SPATA7: variants seen among roughly 807,000 people sequenced by gnomAD.
SPATA7 encodes spermatogenesis-associated protein 7.
A neutral mutation model predicts 51.8 loss-of-function variants in SPATA7; 43 were observed. That is an observed-to-expected ratio of 0.83 (90% CI 0.65 to 1.07). SPATA7 has a LOEUF of 1.07. SPATA7 is among the 50% of genes least tolerant of loss of function. The probability of loss-of-function intolerance (pLI) is 0.00; values close to 1 mark genes in which losing one functional copy is unlikely to be tolerated. For synonymous variants in SPATA7, 230 were observed against 252.8 expected (o/e 0.91, Z 0.86); for missense variants, 683 against 701.3 (o/e 0.97, Z 0.30).
At chr14:88,422,085 T>A (rs1050238025) in intron 5 of SPATA7, among the ~76,000 whole-genome samples, 8 of 152,068 alleles carry the variant, frequency 5.3e-5, no homozygotes, top group Non-Finnish European at 5.9e-5. Context: ...CACAGAAATA[T>A]AATAGGATGA....
intron 2 of SPATA7, chr14:88,391,684 A>G (rs1349831518): frequency 6.8e-6 from 4 of 589,440 alleles, no homozygotes; most frequent in Non-Finnish European, 9.4e-6. Flanking sequence ...TCCTGCTCCC[A>G]GCTGCTACAG....
In SPATA7 at chr14:88,469,186, A is replaced by T. The variant is rs1477522951; in HGVS notation, c.255-661A>T. The stretch of plus-strand genomic sequence containing the variant: ...ATTAAGAGGACTGCAGATAAAGAGC[A>T]CTGGGTGCCAGTGAACCAAACCCAA... On this transcript the variant is annotated intron_variant, in intron 4 of 4. Coordinates refer to the SPATA7 transcript ENST00000556406. The surrounding 1 kb of genome is among the most constrained non-coding windows in gnomAD (Gnocchi z 4.3). The T allele has an allele frequency of 1.6e-6, 2 of 1,264,030 alleles. No homozygotes were observed. The highest frequency in any genetic ancestry group is 2.2e-6 in the Non-Finnish European group (2 of 924,198). The allele number at this position is 1,264,030 out of a possible 1,614,324, so 78.3% of individuals were successfully genotyped here.
At chr14:88,444,432 G>A (rs1365209819) in intron 3 of SPATA7, among the ~76,000 whole-genome samples, 1 of 151,126 alleles carries the variant, frequency 6.6e-6, no homozygotes, top group Admixed American at 6.6e-5. Context: ...CATTTTTTAG[G>A]TTGCCTGTTC....
At chr14:88,457,050 T>C (rs565436027), downstream of SPATA7, among the ~76,000 whole-genome samples, 105 of 152,320 alleles carry the variant, frequency 6.9e-4, no homozygotes, top group African/African-American at 2.5e-3. Flanking sequence ...TGTGGTATTA[T>C]TTCTGAGGGC....
intron 4 of SPATA7, among the ~76,000 whole-genome samples, chr14:88,399,402 G>A (rs916709243): frequency 4.6e-5 from 7 of 152,098 alleles, no homozygotes; most frequent in Non-Finnish European, 1.0e-4. Flanking sequence ...TAATTTTAAA[G>A]GAGGAAAAAA....
At chr14:88,400,846 A>G (rs1220830789) in intron 4 of SPATA7, among the ~76,000 whole-genome samples, 1 of 152,120 alleles carries the variant, frequency 6.6e-6, no homozygotes, top group Admixed American at 6.6e-5. Context: ...AAAAAATAAA[A>G]TTAAAAATTA....
Position 88,393,484 on chromosome 14 carries a change from C to A in SPATA7, c.186C>A (p.Ala62=). The change falls in exon 3 of 12, where the codon GCC becomes GCA. Residue 62 remains alanine (A), a synonymous_variant. Transcript: ENST00000393545. The part of the protein sequence containing the change: ...MAVHYNKILS[A]KAAVDCSVPV... ...TTCACTATAATAAAATCCTTTCAGC[C>A]AAAGGTAAAAATGTGCAAATGTGAA... 6.3e-7 allele frequency: 1 copy of A among 1,593,710 alleles called. No individual in the cohort carries two copies. The highest frequency in any genetic ancestry group is 8.6e-7 in the Non-Finnish European group (1 of 1,167,596).
At chr14:88,444,752 C>A (rs1457866337) in intron 3 of SPATA7, among the ~76,000 whole-genome samples, 1 of 152,156 alleles carries the variant, frequency 6.6e-6, no homozygotes, top group Non-Finnish European at 1.5e-5. Context: ...ATCCTTTCCC[C>A]ATTGCTTGTT....
chr14:88,458,902 A>G (rs2077300966), downstream of SPATA7, among the ~76,000 whole-genome samples: 2 of 152,196 alleles, frequency 1.3e-5, no homozygotes, highest in Non-Finnish European at 2.9e-5. Context: ...AATGTGTCCC[A>G]GAGATTCTGG....
chr14:88,438,291 T>C lies in SPATA7; in HGVS notation c.1669T>C (p.Cys557Arg). Residue 557 changes from cysteine (C) to arginine (R), a missense_variant, in exon 12 of 12, where the codon TGT becomes CGT. Transcript: ENST00000393545. ...PEKVEISNGL[C>R]GLNTSPSQSV... ...AAAGGTTGAGATTTCAAATGGATTATGTGGTCTTAACACATCACCCTCCCA... is the reference window on the plus strand; with the variant it reads ...AAAGGTTGAGATTTCAAATGGATTACGTGGTCTTAACACATCACCCTCCCA... 3 of 1,614,122 alleles carry C rather than the reference T, an allele frequency of 1.9e-6. No individual in the cohort carries two copies. Among genetic ancestry groups the C allele is most frequent in the South Asian group, 1.1e-5 (1 of 91,068 alleles).
At chr14:88,398,421 T>C (rs2075958897) in intron 4 of SPATA7, among the ~76,000 whole-genome samples, 2 of 140,306 alleles carry the variant, frequency 1.4e-5, no homozygotes, top group African/African-American at 5.4e-5. Context: ...TAGGTGAGAA[T>C]TGAACAATGA....
intron 3 of SPATA7, among the ~76,000 whole-genome samples, chr14:88,450,085 T>C (rs1056953389): frequency 6.6e-6 from 1 of 152,130 alleles, no homozygotes; most frequent in African/African-American, 2.4e-5. Flanking sequence ...ATCCATCTCC[T>C]CTAGGTTTTC....
rs2076797636 is a variant in SPATA7, at chr14:88,426,539, A to G, written c.680A>G (p.Asp227Gly). 2.5e-6 allele frequency: 4 copies of G among 1,614,080 alleles called. No individual in the cohort carries two copies. The highest frequency in any genetic ancestry group is 3.3e-4 in the Middle Eastern group (2 of 6,084). The change falls in exon 6 of 12, where the codon GAT becomes GGT. Residue 227 changes from aspartate to glycine, a missense_variant. By Grantham distance (94) the Asp-to-Gly change is moderately conservative. Transcript: ENST00000393545. The part of the protein sequence containing the change: ...ISKAPSGDLL[D>G]KHSELFSNKQ... ...AAAGCACCCAGTGGGGATCTTTTGG[A>G]TAAACATTCTGAACTCTTTTCTAAC...
chr14:88,414,785 T>A (rs545707769), intron 4 of SPATA7: 5 of 282,616 alleles, frequency 1.8e-5, no homozygotes, highest in Admixed American at 1.0e-4. Flanking sequence ...TGTTTTTTTT[T>A]AATTTCACCT....
intron 4 of SPATA7, chr14:88,415,098 T>C (rs1324742041): frequency 5.7e-6 from 1 of 176,538 alleles, no homozygotes; most frequent in Non-Finnish European, 1.2e-5. Context: ...CAAATTTAAA[T>C]CCAGAATTTC....
At chr14:88,438,481 T>A (rs1399582469), downstream of SPATA7, 2 of 1,291,510 alleles carry the variant, frequency 1.5e-6, no homozygotes, top group Non-Finnish European at 2.2e-6. Flanking sequence ...CTTCCTTTTT[T>A]AAAATGTATG....
chr14:88,447,909 C>A (rs1212725514), intron 3 of SPATA7, among the ~76,000 whole-genome samples: 2 of 151,742 alleles, frequency 1.3e-5, no homozygotes, highest in African/African-American at 4.8e-5. Flanking sequence ...TCTCTGGCTG[C>A]CCTTAACATT....
In SPATA7 at chr14:88,447,865, G is replaced by C. The variant is rs2077225110; in HGVS notation, c.178-7195G>C. 2.0e-5 allele frequency among the ~76,000 whole-genome samples: 3 copies of C among 152,138 alleles called. No homozygotes were observed. The South Asian group carries it at 6.2e-4, about 32-fold the overall frequency. The stretch of plus-strand genomic sequence containing the variant: ...CTGCCGAGAGATCCGCTGTTAGTCT[G>C]ATGGGTTTCCCTTTGAGGGTAACCC... On this transcript the variant is annotated intron_variant, in intron 3 of 3. Transcript: ENST00000554802.
At chr14:88,450,338 C>A (rs1278709038) in intron 3 of SPATA7, among the ~76,000 whole-genome samples, 1 of 151,894 alleles carries the variant, frequency 6.6e-6, no homozygotes, top group African/African-American at 2.4e-5. Flanking sequence ...ATTCATCGTA[C>A]TATTTGTTGC....
Sources: gnomAD v4.1 joint callset for allele counts (sites outside exome capture counted in the v4.1 genomes callset) on GRCh38, gnomAD v4.1.1 for gene constraint, Gnocchi (gnomAD v3.1) non-coding constraint, MANE v1.5 for transcripts, NCBI Gene and HGNC (gene_info 2026-07-23, HGNC 2026-07-21) for gene names.